The following PDXDC1 variants were observed in gnomAD, a reference collection of about 807,000 sequenced individuals.
PDXDC1 encodes the protein pyridoxal-dependent decarboxylase domain-containing protein 1.
In PDXDC1, 42 loss-of-function variants were observed where a neutral mutation model predicts 100.1. The observed-to-expected ratio is 0.42, with a 90% CI of 0.33 to 0.54. The LOEUF is 0.54. PDXDC1 is among the 20% of genes least tolerant of loss of function. PDXDC1 has a pLI of 0.10. For missense variants in PDXDC1, 636 were observed against 979.2 expected, an observed-to-expected ratio of 0.65 and a Z score of 4.68; for synonymous variants, 260 against 371.7, an observed-to-expected ratio of 0.70 and a Z score of 3.46.
chr16:15,031,657 A>G (rs2043072247), intron 16 of PDXDC1, 78 bp from the exon 17 acceptor site: 1 of 1,295,066 alleles, frequency 7.7e-7, no homozygotes, highest in South Asian at 1.2e-5. Flanking sequence ...TGACCTTCCC[A>G]GTAGTGGAAG....
rs1315610253 is a variant in PDXDC1 at position 15,038,019 on chromosome 16, A to G, written c.*1744A>G. 2 of 1,602,262 alleles carry G rather than the reference A, an allele frequency of 1.2e-6. No individual in the cohort carries two copies. Among genetic ancestry groups the G allele is most frequent in the Non-Finnish European group, 8.5e-7 (1 of 1,172,582 alleles). On this transcript the variant is annotated 3_prime_UTR_variant, in exon 23 of 23. Transcript: ENST00000396410. The stretch of plus-strand genomic sequence containing the variant: ...AGGCCAAGAAGGTGCTTTCTTTGGT[A>G]ATTCATGTTTTTTAACTTCCTGGAG...
Position 15,037,807 on chromosome 16 carries a change from A to AC in PDXDC1, c.*1533dup, listed in dbSNP as rs397754811. On this transcript the variant is annotated 3_prime_UTR_variant, in exon 23 of 23. Coordinates refer to ENST00000396410, the MANE Select transcript of PDXDC1 (RefSeq NM_015027.4). Reference sequence around the variant, plus strand: ...CCCGTTATTACCGACCAAAAAAAAAACTGGACATCAATTTTTTAGTAAACC... The same window carrying AC: ...CCCGTTATTACCGACCAAAAAAAAAACCTGGACATCAATTTTTTAGTAAACC... 12 of 457,714 alleles carry AC rather than the reference A, an allele frequency of 2.6e-5. No homozygotes were observed. The South Asian group carries it at 3.9e-4, about 15-fold the overall frequency. 28.4% of individuals were successfully genotyped at this position (457,714 alleles called of 1,614,324 possible).
At chr16:15,133,235 T>C (rs2048193392) in intron 16 of PDXDC1, 9 of 1,394,534 alleles carry the variant, frequency 6.5e-6, no homozygotes, top group Non-Finnish European at 8.0e-6. Context: ...ATGCAGCAGA[T>C]GTGAGGTCCC....
chr16:14,993,556 G>A lies in PDXDC1; in HGVS notation c.22-4197G>A, dbSNP rs1341102172. Among the ~76,000 whole-genome samples, 4 of 152,410 alleles carry A rather than the reference G, an allele frequency of 2.6e-5. No individual in the cohort carries two copies. The East Asian group carries it at 5.8e-4, about 22-fold the overall frequency. On this transcript the variant is annotated intron_variant, in intron 1 of 22. Coordinates refer to ENST00000396410, the MANE Select transcript of PDXDC1 (RefSeq NM_015027.4). ...CCAGTCTATCATTGATGGACATTTGGGTTGGTTCCAAGTCTTTGCTATTGT... is the reference window on the plus strand; with the variant it reads ...CCAGTCTATCATTGATGGACATTTGAGTTGGTTCCAAGTCTTTGCTATTGT...
intron 16 of PDXDC1, among the ~76,000 whole-genome samples, chr16:15,123,099 A>G (rs1473162360): frequency 2.0e-5 from 3 of 149,610 alleles, no homozygotes; most frequent in Non-Finnish European, 4.5e-5. Flanking sequence ...TTTCCACCAA[A>G]CCTTCTTCGG....
intron 16 of PDXDC1, chr16:15,133,126 G>A (rs1418163622): frequency 1.7e-5 from 11 of 664,654 alleles, no homozygotes; most frequent in African/African-American, 7.2e-5. Context: ...GCGGAACGTC[G>A]GGGTGCTGCT....
intron 12 of PDXDC1, among the ~76,000 whole-genome samples, chr16:15,019,488 C>G (rs1295765749): frequency 6.6e-6 from 1 of 152,292 alleles, no homozygotes; most frequent in Non-Finnish European, 1.5e-5. Flanking sequence ...TTAGAGCATT[C>G]AGGCTTCTAT....
chr16:15,007,246 C>T (rs1274896254), intron 6 of PDXDC1, among the ~76,000 whole-genome samples: 1 of 144,406 alleles, frequency 6.9e-6, no homozygotes, highest in East Asian at 2.2e-4. Flanking sequence ...TCTCGGCTCA[C>T]TGCAAGCTCC....
chr16:15,122,579 G>C (rs1191207303), intron 16 of PDXDC1, among the ~76,000 whole-genome samples: 2 of 148,652 alleles, frequency 1.3e-5, no homozygotes, highest in African/African-American at 2.5e-5. Flanking sequence ...CACACAGGTG[G>C]ACTGATGGCT....
intron 16 of PDXDC1, among the ~76,000 whole-genome samples, chr16:15,111,532 G>A (rs1598130446): frequency 1.3e-5 from 2 of 148,448 alleles, no homozygotes; most frequent in African/African-American, 2.4e-5. Context: ...GGCCGAGGCG[G>A]GTGAATCACA....
chr16:15,038,867 C>T (rs935296299), downstream of PDXDC1, among the ~76,000 whole-genome samples: 1 of 152,212 alleles, frequency 6.6e-6, no homozygotes, highest in Non-Finnish European at 1.5e-5. Flanking sequence ...TGCTTCTGCA[C>T]ACTGTGGGGC....
intron 1 of PDXDC1, among the ~76,000 whole-genome samples, chr16:14,978,476 G>A (rs1250641776): frequency 3.9e-5 from 6 of 152,410 alleles, no homozygotes; most frequent in East Asian, 1.9e-4. Flanking sequence ...TGCAACGTCC[G>A]TCTCCAGGGC....
At chr16:15,052,221 G>C (rs1219680346) in intron 16 of PDXDC1, among the ~76,000 whole-genome samples, 1 of 152,148 alleles carries the variant, frequency 6.6e-6, no homozygotes, top group Non-Finnish European at 1.5e-5. Flanking sequence ...TACAGATGTG[G>C]CTGTGTTCCA....
intron 16 of PDXDC1, among the ~76,000 whole-genome samples, chr16:15,055,494 G>T (rs772107679): frequency 6.6e-6 from 1 of 152,224 alleles, no homozygotes; most frequent in African/African-American, 2.4e-5. Flanking sequence ...ACGCAAGGAC[G>T]AAGCAACGTT....
intron 16 of PDXDC1, chr16:15,128,213 C>A (rs200867611): frequency 9.3e-4 from 1,498 of 1,610,968 alleles, no homozygotes; most frequent in Non-Finnish European, 1.2e-3. Flanking sequence ...TGGCAGGGTC[C>A]GCACAGACCT....
chr16:15,072,881 A>C, intron 16 of PDXDC1: 2 of 1,536,534 alleles, frequency 1.3e-6, no homozygotes, highest in Non-Finnish European at 1.8e-6. Flanking sequence ...CGTCCACCCC[A>C]GTTTTTAGGG....
intron 16 of PDXDC1, among the ~76,000 whole-genome samples, chr16:15,128,598 T>C (rs546112853): frequency 1.4e-3 from 216 of 152,138 alleles, no homozygotes; most frequent in African/African-American, 4.5e-3. Flanking sequence ...TTAAGTTACA[T>C]GGAAAGAACT....
chr16:15,106,317 T>A, intron 16 of PDXDC1: 1 of 1,032,724 alleles, frequency 9.7e-7, no homozygotes, highest in Non-Finnish European at 1.4e-6. Flanking sequence ...GTTGAAACAT[T>A]TCCCTATGGA....
intron 16 of PDXDC1, among the ~76,000 whole-genome samples, chr16:15,097,285 GA>G (rs1275096309): frequency 1.3e-5 from 2 of 150,714 alleles, no homozygotes; most frequent in African/African-American, 4.9e-5. Context: ...AAAAAAAAGG[GA>G]AAAAAAGCTT....
Sources: allele counts gnomAD v4.1 joint callset (sites outside exome capture counted in the v4.1 genomes callset), GRCh38; gene constraint gnomAD v4.1.1; transcripts MANE v1.5; gene names NCBI Gene and HGNC (gene_info 2026-07-23, HGNC 2026-07-21).